THEMIS: variants seen among roughly 807,000 people sequenced by gnomAD.
THEMIS encodes thymocyte selection associated.
THEMIS carries 37 observed loss-of-function variants against 52.6 expected under a neutral mutation model. The ratio of observed to expected loss-of-function variants is 0.70; its 90% CI spans 0.54 to 0.93. THEMIS has a LOEUF of 0.93. THEMIS is among the 40% of genes least tolerant of loss of function. THEMIS has a pLI of 0.00. For missense variants in THEMIS, 808 were observed against 763.1 expected, an observed-to-expected ratio of 1.06 and a Z score of -0.69; for synonymous variants, 292 against 272.7, an observed-to-expected ratio of 1.07 and a Z score of -0.70.
At chr6:127,778,989 A>G (rs141917170) in intron 4 of THEMIS, among the ~76,000 whole-genome samples, 11 of 152,262 alleles carry the variant, frequency 7.2e-5, no homozygotes, top group African/African-American at 2.6e-4. Context: ...TTCATGTGTT[A>G]TATCTGCAGG....
In THEMIS at chr6:127,813,913, C is replaced by A. The variant is rs368013855; in HGVS notation, c.728G>T (p.Arg243Leu). 1.3e-6 allele frequency: 2 copies of A among 1,551,492 alleles called. No individual in the cohort carries two copies. Among genetic ancestry groups the A allele is most frequent in the Non-Finnish European group, 1.7e-6 (2 of 1,154,126 alleles). Residue 243 changes from arginine to leucine, a missense_variant, in exon 4 of 6, where the codon CGC becomes CTC. Coordinates refer to ENST00000368248, the MANE Select transcript of THEMIS (RefSeq NM_001010923.3). ...TTCGACATCTAGACTGGGGAGGATG[C>A]GGATTATATCTTTTCGAACTAAAAA... ...GVMKFRKDII[R>L]ILPSLDVEVK... is the part of the protein sequence containing the mutation.
intron 1 of THEMIS, among the ~76,000 whole-genome samples, chr6:127,858,512 CT>C (rs753796580): frequency 2.6e-4 from 40 of 152,124 alleles, no homozygotes; most frequent in Non-Finnish European, 4.6e-4. Context: ...AACTGGAAAT[CT>C]TGTATTTTAT....
chr6:127,847,971 G>A lies in THEMIS; in HGVS notation c.250+7059C>T, dbSNP rs182765760. ...TTAGGGTACATGTGCACAATGTGCA[G>A]GTTGGTTACATATGTACACGTGTGC... is the stretch of plus-strand genomic sequence containing the variant. On this transcript the variant is annotated intron_variant, in intron 2 of 5. Coordinates refer to ENST00000368248, the MANE Select transcript of THEMIS (RefSeq NM_001010923.3). Among the ~76,000 whole-genome samples the A allele has an allele frequency of 3.9e-3, 583 of 150,640 alleles. 24 individuals are homozygous for A. The East Asian group carries it at 0.084, about 22-fold the overall frequency.
At chr6:127,718,794 G>A (rs531701920) in intron 5 of THEMIS, among the ~76,000 whole-genome samples, 1 of 151,846 alleles carries the variant, frequency 6.6e-6, no homozygotes, top group Admixed American at 6.6e-5. Flanking sequence ...CAATGAAAAG[G>A]TAATAAGAAA....
intron 1 of THEMIS, among the ~76,000 whole-genome samples, chr6:127,887,320 A>G (rs1780676628): frequency 6.6e-6 from 1 of 152,136 alleles, no homozygotes; most frequent in African/African-American, 2.4e-5. Flanking sequence ...AATTAAAACT[A>G]CAATGAGATA....
intron 4 of THEMIS, among the ~76,000 whole-genome samples, chr6:127,774,288 C>T (rs1434901031): frequency 3.3e-5 from 5 of 152,378 alleles, no homozygotes; most frequent in East Asian, 3.9e-4. Context: ...TCACTGCAAG[C>T]TCCGCCTCCC....
chr6:127,868,274 C>T (rs1780046610), intron 1 of THEMIS, among the ~76,000 whole-genome samples: 1 of 152,040 alleles, frequency 6.6e-6, no homozygotes, highest in Non-Finnish European at 1.5e-5. Flanking sequence ...ACTGAATAAT[C>T]CAGTGTAATA....
At chr6:127,849,354 T>C (rs933891533) in intron 2 of THEMIS, among the ~76,000 whole-genome samples, 1 of 151,990 alleles carries the variant, frequency 6.6e-6, no homozygotes, top group Non-Finnish European at 1.5e-5. Flanking sequence ...TGAAGTCAGG[T>C]AGCGTGATGC....
chr6:127,885,580 A>G (rs113131639), intron 1 of THEMIS, among the ~76,000 whole-genome samples: 1 of 151,628 alleles, frequency 6.6e-6, no homozygotes, highest in African/African-American at 2.4e-5. Flanking sequence ...AGAAGAAAGA[A>G]AAGGAAGAAA....
intron 4 of THEMIS, among the ~76,000 whole-genome samples, chr6:127,787,850 T>TAGATATAG (rs1554224553): frequency 7.3e-6 from 1 of 137,510 alleles, no homozygotes; most frequent in African/African-American, 2.8e-5. Context: ...GATAGACAGA[T>TAGATATAG]ATAGATAGAT....
At chr6:127,794,681 G>T (rs900554775) in intron 4 of THEMIS, among the ~76,000 whole-genome samples, 7 of 152,072 alleles carry the variant, frequency 4.6e-5, no homozygotes, top group Admixed American at 3.9e-4. Context: ...CTCTCACTAT[G>T]CACATCTCAT....
At chr6:127,804,050 A>T (rs1048410374) in intron 4 of THEMIS, among the ~76,000 whole-genome samples, 17 of 152,118 alleles carry the variant, frequency 1.1e-4, no homozygotes, top group African/African-American at 3.9e-4. Flanking sequence ...CAGCCATTTT[A>T]TATGCATAAA....
At chr6:127,806,027 G>C (rs1777690623) in intron 4 of THEMIS, among the ~76,000 whole-genome samples, 1 of 151,606 alleles carries the variant, frequency 6.6e-6, no homozygotes. Flanking sequence ...TATCTAGTGA[G>C]CCCACACTCA....
At chr6:127,883,865 T>C (rs889122901) in intron 1 of THEMIS, among the ~76,000 whole-genome samples, 1 of 152,102 alleles carries the variant, frequency 6.6e-6, no homozygotes, top group African/African-American at 2.4e-5. Context: ...ATTTATGATA[T>C]TTTCAGTTTA....
intron 3 of THEMIS, 32 bp downstream of exon 3, chr6:127,829,444 C>T: frequency 3.3e-6 from 5 of 1,533,886 alleles, no homozygotes; most frequent in Non-Finnish European, 3.5e-6. Context: ...AATGCTCATG[C>T]TCATAGAACA....
At chr6:127,862,592 G>A (rs1242504291) in intron 1 of THEMIS, among the ~76,000 whole-genome samples, 2 of 151,578 alleles carry the variant, frequency 1.3e-5, no homozygotes, top group African/African-American at 4.8e-5. Context: ...GATAATTTTT[G>A]TATTTTTAGT....
intron 4 of THEMIS, among the ~76,000 whole-genome samples, chr6:127,750,860 A>G (rs1335796253): frequency 6.6e-6 from 1 of 151,748 alleles, no homozygotes; most frequent in Non-Finnish European, 1.5e-5. Context: ...TCAGCCAAGA[A>G]TATTTCACCA....
chr6:127,902,032 A>C (rs1781147483), upstream of THEMIS, among the ~76,000 whole-genome samples: 1 of 152,068 alleles, frequency 6.6e-6, no homozygotes, highest in African/African-American at 2.4e-5. Flanking sequence ...AAGTAGAAGA[A>C]TATTGGTTGA....
At chr6:127,736,535 A>G (rs1400244920) in intron 4 of THEMIS, among the ~76,000 whole-genome samples, 3 of 152,208 alleles carry the variant, frequency 2.0e-5, no homozygotes, top group South Asian at 2.1e-4. Flanking sequence ...GTACATTAAA[A>G]TTTCTATGCA....
Sources: gnomAD v4.1 joint callset for allele counts (sites outside exome capture counted in the v4.1 genomes callset) on GRCh38, gnomAD v4.1.1 for gene constraint, MANE v1.5 for transcripts, NCBI Gene and HGNC (gene_info 2026-07-23, HGNC 2026-07-21) for gene names.